The following ZNF106 variants were observed in gnomAD, a reference collection of about 807,000 sequenced individuals.
ZNF106 encodes zinc finger protein 106.
In ZNF106, 67 loss-of-function variants were observed where a neutral mutation model predicts 195.1. That is an observed-to-expected ratio of 0.34 (90% CI 0.28 to 0.42). ZNF106 has a LOEUF of 0.42. Among genes scored for constraint, ZNF106 ranks in the 10% least tolerant of loss-of-function variants. The pLI, the probability that ZNF106 is intolerant of heterozygous loss-of-function variation, is 1.00. For missense variants in ZNF106, 2,118 were observed against 2,304.5 expected, an observed-to-expected ratio of 0.92 and a Z score of 1.66; for synonymous variants, 784 against 818.6, an observed-to-expected ratio of 0.96 and a Z score of 0.72.
chr15:42,463,710 G>C (rs370695521), intron 3 of ZNF106, among the ~76,000 whole-genome samples: 4 of 152,198 alleles, frequency 2.6e-5, no homozygotes, highest in African/African-American at 7.2e-5. Flanking sequence ...TGAGGTGGGA[G>C]GATTGTTTGA....
chr15:42,471,934 GA>G (rs1335123279), intron 2 of ZNF106, among the ~76,000 whole-genome samples: 1 of 152,140 alleles, frequency 6.6e-6, no homozygotes, highest in Non-Finnish European at 1.5e-5. Flanking sequence ...AATAACCTTG[GA>G]ATTTTAAGGT....
intron 20 of ZNF106, among the ~76,000 whole-genome samples, chr15:42,418,532 A>ATTTTTTTTTTTTTTTTTTT (rs1162999546): frequency 1.0e-5 from 1 of 96,228 alleles, no homozygotes; most frequent in African/African-American, 4.3e-5. Context: ...CGGCCAGTTA[A>ATTTTTTTTTTTTTTTTTTT]TTTTTTTTTT....
intron 14 of ZNF106, among the ~76,000 whole-genome samples, chr15:42,433,057 A>G (rs974312237): frequency 6.6e-5 from 10 of 152,050 alleles, no homozygotes; most frequent in African/African-American, 2.4e-4. Flanking sequence ...TCTCATTTTT[A>G]TTCCTCTATT....
Position 42,450,772 on chromosome 15 carries a change from T to C in ZNF106, c.1500A>G (p.Lys500=), listed in dbSNP as rs772689779. 6.2e-7 allele frequency: 1 copy of C among 1,614,122 alleles called. No individual in the cohort carries two copies. The highest frequency in any genetic ancestry group is 8.5e-7 in the Non-Finnish European group (1 of 1,180,016). The part of the protein sequence containing the change: ...QDPKNISKNT[K]TNFFSPGEHS... ...GTTCTCCAGGGGAAAAAAAATTTGT[T>C]TTGGTGTTTTTTGAGATATTCTTTG... is the stretch of plus-strand genomic sequence containing the variant. Residue 500 remains lysine, a synonymous_variant, in exon 5 of 22, where the codon AAA becomes AAG. Coordinates refer to ENST00000564754, the MANE Select transcript of ZNF106 (RefSeq NM_001366845.3).
intron 14 of ZNF106, among the ~76,000 whole-genome samples, chr15:42,432,326 T>C (rs999721777): frequency 6.6e-6 from 1 of 151,742 alleles, no homozygotes; most frequent in Non-Finnish European, 1.5e-5. Flanking sequence ...GCTTGCCTCA[T>C]TTTTTTATTT....
intron 1 of ZNF106, among the ~76,000 whole-genome samples, chr15:42,488,495 C>T (rs556058771): frequency 1.3e-5 from 2 of 152,126 alleles, no homozygotes; most frequent in South Asian, 4.2e-4. Context: ...AGTGATTTCA[C>T]ATGCTAGAGG....
chr15:42,449,937 G>A lies in ZNF106; in HGVS notation c.2335C>T (p.Arg779Cys), dbSNP rs1434435961. 6.2e-6 allele frequency: 10 copies of A among 1,614,134 alleles called. No homozygotes were observed. Among genetic ancestry groups the A allele is most frequent in the South Asian group, 3.3e-5 (3 of 91,070 alleles). Residue 779 changes from arginine to cysteine, a missense_variant, in exon 5 of 22, where the codon CGC (arginine) becomes TGC (cysteine). Physicochemically the swap from Arg to Cys is radical, Grantham distance 180. Coordinates refer to ENST00000564754, the MANE Select transcript of ZNF106 (RefSeq NM_001366845.3). ...LPEPNLNSAR[R>C]IRNISGHRKS... ...CGGTGACCGCTAATATTGCGAATGC[G>A]GCGGGCACTATTGAGGTTTGGCTCA... is the stretch of plus-strand genomic sequence containing the variant.
intron 5 of ZNF106, among the ~76,000 whole-genome samples, chr15:42,449,066 AC>A (rs1468169912): frequency 2.0e-5 from 3 of 152,182 alleles, no homozygotes; most frequent in African/African-American, 7.2e-5. Context: ...CTTTATACTT[AC>A]AATTTCAAAT....
At chr15:42,481,853 C>CT (rs1395738079) in intron 1 of ZNF106, among the ~76,000 whole-genome samples, 2 of 152,072 alleles carry the variant, frequency 1.3e-5, no homozygotes, top group African/African-American at 4.8e-5. Context: ...TTCCTTTTGT[C>CT]TGTCAATAGT....
Position 42,445,132 on chromosome 15 carries a change from A to T in ZNF106, c.3206-151T>A, listed in dbSNP as rs569245126. 3.6e-5 allele frequency: 35 copies of T among 965,596 alleles called. No individual in the cohort carries two copies. The African/African-American group carries it at 5.8e-4, about 16-fold the overall frequency. The allele number at this position is 965,596 out of a possible 1,614,324, so 59.8% of individuals were successfully genotyped here. A position where few individuals can be genotyped will look rare whatever the true frequency, so the allele number is the denominator to read the frequency against. On this transcript the variant is annotated intron_variant, in intron 7 of 21. Coordinates refer to ENST00000564754, the MANE Select transcript of ZNF106 (RefSeq NM_001366845.3). ...AAATTCATAAAACATTTAGTCAAGC[A>T]CAATGATATCAAAGCTAGGAACCAA...
chr15:42,453,079 A>G (rs2056106141), intron 4 of ZNF106, among the ~76,000 whole-genome samples: 1 of 152,120 alleles, frequency 6.6e-6, no homozygotes. Context: ...GAAAAACTCC[A>G]TTTCTTAACC....
Position 42,437,279 on chromosome 15 carries a change from G to T in ZNF106, c.4699C>A (p.Leu1567Ile). ...GTTTTATCTGCTGAACAGGTATATA[G>T]CAAGTTCCCAAATATCTGAATTGCA... ...VNAIQIFGNL[L>I]YTCSADKTVR... The change falls in exon 13 of 22, where the codon CTA becomes ATA. Residue 1567 changes from leucine to isoleucine, a missense_variant. By Grantham distance (5) the Leu-to-Ile change is conservative (BLOSUM62 2). Transcript: ENST00000564754. 6.2e-7 allele frequency: 1 copy of T among 1,614,104 alleles called. No homozygotes were observed. The highest frequency in any genetic ancestry group is 1.1e-5 in the South Asian group (1 of 91,074).
chr15:42,426,432 C>T (rs1434418779), intron 15 of ZNF106, among the ~76,000 whole-genome samples: 2 of 151,954 alleles, frequency 1.3e-5, no homozygotes, highest in Non-Finnish European at 1.5e-5. Flanking sequence ...CAGGGTCTCA[C>T]TCTGTCAGCC....
chr15:42,480,108 C>T (rs2056869073), intron 1 of ZNF106, among the ~76,000 whole-genome samples: 1 of 152,190 alleles, frequency 6.6e-6, no homozygotes, highest in Admixed American at 6.5e-5. Context: ...CTCGGCCTCC[C>T]AAAATCTATA....
At chr15:42,419,550 A>G (rs894346133) in intron 20 of ZNF106, among the ~76,000 whole-genome samples, 8 of 151,958 alleles carry the variant, frequency 5.3e-5, no homozygotes, top group African/African-American at 1.9e-4. Context: ...TCTCAAAAAA[A>G]AAAAGAAAAG....
At chr15:42,447,962 TGA>T in intron 6 of ZNF106, 108 bp downstream of exon 6, 2 of 1,261,264 alleles carry the variant, frequency 1.6e-6, no homozygotes, top group Non-Finnish European at 2.2e-6. Context: ...TTCTAGAAGT[TGA>T]GAGAATCACA....
Position 42,435,532 on chromosome 15 carries a change from A to G in ZNF106, c.4747-14T>C, listed in dbSNP as rs760302919. The G allele has an allele frequency of 1.2e-6, 2 of 1,614,174 alleles. No individual in the cohort carries two copies. Among genetic ancestry groups the G allele is most frequent in the Non-Finnish European group, 1.7e-6 (2 of 1,179,994 alleles). On this transcript the variant is annotated splice_polypyrimidine_tract_variant and intron_variant, in intron 13 of 21. Coordinates refer to ENST00000564754, the MANE Select transcript of ZNF106 (RefSeq NM_001366845.3). ...ACATTTCCGACTCTAAAGTTTAAGCACAGACCAGATTATTACTTATGAGAT... is the reference window on the plus strand; with the variant it reads ...ACATTTCCGACTCTAAAGTTTAAGCGCAGACCAGATTATTACTTATGAGAT...
At chr15:42,452,928 C>T (rs370462376) in intron 4 of ZNF106, among the ~76,000 whole-genome samples, 146 of 152,122 alleles carry the variant, frequency 9.6e-4, no homozygotes, top group African/African-American at 3.3e-3. Context: ...TCAGGTAATC[C>T]ACCCACCGCG....
At chr15:42,446,412 C>A (rs1325619331) in intron 7 of ZNF106, among the ~76,000 whole-genome samples, 177 bp downstream of exon 7, 1 of 152,162 alleles carries the variant, frequency 6.6e-6, no homozygotes, top group South Asian at 2.1e-4. Flanking sequence ...TAGACCCTGT[C>A]TCTACAAAAA....
Sources: gnomAD v4.1 joint callset for allele counts (sites outside exome capture counted in the v4.1 genomes callset) on GRCh38, gnomAD v4.1.1 for gene constraint, MANE v1.5 for transcripts, NCBI Gene and HGNC (gene_info 2026-07-23, HGNC 2026-07-21) for gene names.